Variants in THSD7B observed in about 807,000 individuals in gnomAD.
The protein encoded by THSD7B is thrombospondin type 1 domain containing 7B.
In THSD7B, 138 loss-of-function variants were observed where a neutral mutation model predicts 213.6. That is an observed-to-expected ratio of 0.65 (90% CI 0.56 to 0.74). THSD7B has a LOEUF of 0.74. THSD7B is among the 30% of genes least tolerant of loss of function. The pLI is 0.00. For missense variants in THSD7B, 1,931 were observed against 1,991.5 expected, an observed-to-expected ratio of 0.97 and a Z score of 0.58; for synonymous variants, 742 against 687.0, an observed-to-expected ratio of 1.08 and a Z score of -1.25.
chr2:137,509,053 AG>A (rs1290137637), intron 15 of THSD7B, among the ~76,000 whole-genome samples: 1 of 152,170 alleles, frequency 6.6e-6, no homozygotes, highest in Non-Finnish European at 1.5e-5. Context: ...CAACCTGGCC[AG>A]TGAATCATTC....
intron 3 of THSD7B, among the ~76,000 whole-genome samples, chr2:137,090,569 A>G (rs962156706): frequency 6.6e-6 from 1 of 152,108 alleles, no homozygotes; most frequent in Non-Finnish European, 1.5e-5. Context: ...TGTTTCAAAT[A>G]TTTTCTTTAT....
intron 5 of THSD7B, among the ~76,000 whole-genome samples, chr2:137,122,646 T>A (rs948177468): frequency 6.6e-6 from 1 of 152,160 alleles, no homozygotes. Flanking sequence ...TGGTAATACC[T>A]GAACTGTTAA....
intron 2 of THSD7B, among the ~76,000 whole-genome samples, chr2:136,946,301 A>C (rs1322097344): frequency 6.6e-6 from 1 of 152,098 alleles, no homozygotes; most frequent in East Asian, 1.9e-4. Context: ...AGGCTGCAGA[A>C]CTGGAAATGT....
At chr2:137,238,065 T>C (rs1306642548) in intron 9 of THSD7B, among the ~76,000 whole-genome samples, 1 of 152,168 alleles carries the variant, frequency 6.6e-6, no homozygotes, top group Non-Finnish European at 1.5e-5. Flanking sequence ...AGTTCAAGTA[T>C]TACCCAGTGA....
At chr2:136,864,069 C>T (rs879311742) in intron 1 of THSD7B, among the ~76,000 whole-genome samples, 6 of 152,142 alleles carry the variant, frequency 3.9e-5, no homozygotes, top group Admixed American at 3.9e-4. Context: ...GGAAACAACA[C>T]TATTTTTAAA....
chr2:137,072,554 G>T (rs961368617), intron 3 of THSD7B, among the ~76,000 whole-genome samples: 3 of 152,080 alleles, frequency 2.0e-5, no homozygotes, highest in Non-Finnish European at 2.9e-5. Context: ...TGCAAATAGG[G>T]ACAATTTGAC....
intron 15 of THSD7B, among the ~76,000 whole-genome samples, chr2:137,536,960 A>G (rs1680518346): frequency 6.6e-6 from 1 of 151,836 alleles, no homozygotes; most frequent in African/African-American, 2.4e-5. Context: ...GTAGCAATGC[A>G]ATAAATTAAA....
chr2:136,905,286 G>A (rs567535819), intron 2 of THSD7B, among the ~76,000 whole-genome samples: 37 of 152,200 alleles, frequency 2.4e-4, no homozygotes, highest in African/African-American at 7.5e-4. Context: ...GGTACTTATT[G>A]TGTTCTAGGC....
At chr2:137,182,098 G>C (rs949451568) in intron 7 of THSD7B, among the ~76,000 whole-genome samples, 2 of 152,042 alleles carry the variant, frequency 1.3e-5, no homozygotes, top group Non-Finnish European at 2.9e-5. Flanking sequence ...TGTAAATAGG[G>C]TTTCTTTGTT....
chr2:137,284,781 C>A (rs982139070), intron 12 of THSD7B, among the ~76,000 whole-genome samples: 1 of 152,098 alleles, frequency 6.6e-6, no homozygotes, highest in African/African-American at 2.4e-5. Context: ...GTTAGAATTT[C>A]TGTTCTTTTA....
intron 14 of THSD7B, among the ~76,000 whole-genome samples, chr2:137,449,815 C>G (rs974079196): frequency 2.0e-5 from 3 of 152,150 alleles, no homozygotes; most frequent in Admixed American, 6.5e-5. Flanking sequence ...CCCAGTATAT[C>G]TCAAACTGAT....
At chr2:137,375,283 A>C (rs558097609) in intron 12 of THSD7B, among the ~76,000 whole-genome samples, 2 of 152,330 alleles carry the variant, frequency 1.3e-5, no homozygotes, top group South Asian at 4.1e-4. Flanking sequence ...AGGTTAAAAA[A>C]AACACTGTAC....
In THSD7B at chr2:137,194,621, AGT is replaced by A. The variant is rs1032326435; in HGVS notation, c.1723+23686_1723+23687del. 2.6e-4 allele frequency among the ~76,000 whole-genome samples: 40 copies of A among 152,262 alleles called. 1 individual carries two copies. Among genetic ancestry groups the A allele is most frequent in the Admixed American group, 2.0e-3 (31 of 15,300 alleles). On this transcript the variant is annotated intron_variant, in intron 7 of 27. Transcript: ENST00000409968. Reference sequence around the variant, plus strand: ...CCTTTGAGTCTTTCAGTGTTGTTTCAGTGTTTTCTTCATACAGGTTTTATACA... The same window carrying A: ...CCTTTGAGTCTTTCAGTGTTGTTTCAGTTTTCTTCATACAGGTTTTATACA...
At chr2:136,983,358 G>GACACACACACACACAC (rs778968995) in intron 2 of THSD7B, among the ~76,000 whole-genome samples, 11,210 of 105,024 alleles carry the variant, frequency 0.11, 737 homozygotes, top group Non-Finnish European at 0.12. Context: ...CAGACACACA[G>GACACACACACACACAC]ACACACACAC....
At chr2:137,431,320 C>T (rs1263223370) in intron 14 of THSD7B, among the ~76,000 whole-genome samples, 1 of 152,098 alleles carries the variant, frequency 6.6e-6, no homozygotes, top group East Asian at 1.9e-4. Flanking sequence ...AGGGAATGTT[C>T]AGGTTAAGAT....
chr2:137,217,742 A>G (rs1368335265), intron 7 of THSD7B, among the ~76,000 whole-genome samples: 1 of 152,216 alleles, frequency 6.6e-6, no homozygotes, highest in African/African-American at 2.4e-5. Flanking sequence ...TGCTCATTTC[A>G]GTTCAATTAG....
At chr2:136,872,891 A>G (rs1683459597) in intron 1 of THSD7B, among the ~76,000 whole-genome samples, 1 of 149,460 alleles carries the variant, frequency 6.7e-6, no homozygotes, top group Non-Finnish European at 1.5e-5. Context: ...TTTATAAAGT[A>G]GGGGGAATTT....
chr2:137,336,864 C>A (rs2104901801), intron 12 of THSD7B, among the ~76,000 whole-genome samples: 1 of 152,144 alleles, frequency 6.6e-6, no homozygotes, highest in Non-Finnish European at 1.5e-5. Context: ...TATAATGAAG[C>A]AACTTTGAAG....
intron 2 of THSD7B, among the ~76,000 whole-genome samples, chr2:137,027,843 C>T (rs1381496611): frequency 1.3e-5 from 2 of 152,156 alleles, no homozygotes; most frequent in African/African-American, 4.8e-5. Flanking sequence ...AGCCCTGACT[C>T]TGGCACTCAT....
Sources: allele counts gnomAD v4.1 joint callset (sites outside exome capture counted in the v4.1 genomes callset), GRCh38; gene constraint gnomAD v4.1.1; transcripts MANE v1.5; gene names NCBI Gene and HGNC (gene_info 2026-07-23, HGNC 2026-07-21).